Variants in PRH1 observed in about 807,000 individuals in gnomAD.
PRH1 encodes the protein proline rich protein HaeIII subfamily 1.
PRH1 carries 7 observed loss-of-function variants against 7.9 expected under a neutral mutation model. The observed-to-expected ratio is 0.89, with a 90% CI of 0.50 to 1.67. The LOEUF is 1.67. Ranked by LOEUF, PRH1 falls within the 40% of genes most tolerant of loss-of-function variation. The pLI is 0.00. For missense variants in PRH1, 109 were observed against 223.6 expected (o/e 0.49, Z 3.27); for synonymous variants, 45 against 80.8 (o/e 0.56, Z 2.38).
intron 2 of PRH1, among the ~76,000 whole-genome samples, chr12:10,954,982 C>T (rs1388424296): frequency 6.6e-6 from 1 of 152,066 alleles, no homozygotes; most frequent in East Asian, 1.9e-4. Flanking sequence ...ACAATAATAG[C>T]AAGAGATTTC....
intron 1 of PRH1, among the ~76,000 whole-genome samples, chr12:11,065,908 A>G (rs918171658): frequency 3.9e-5 from 6 of 152,158 alleles, no homozygotes; most frequent in Non-Finnish European, 7.4e-5. Context: ...TCATCACCAC[A>G]AACTCTCCTC....
At position 10,931,278 on chromosome 12, in the gene PRH1, G is replaced by C. The variant is rs191155304; in HGVS notation, c.-59+42377C>G. ...ATCTCTTGAAGGCAATTCCAATTTTGAGAATCACTATCTTCAAATTACCTC... is the reference window on the plus strand; with the variant it reads ...ATCTCTTGAAGGCAATTCCAATTTTCAGAATCACTATCTTCAAATTACCTC... On this transcript the variant is annotated intron_variant, in intron 2 of 3. Coordinates refer to the PRH1 transcript ENST00000539853. 9.5e-6 allele frequency: 11 copies of C among 1,156,668 alleles called. No individual in the cohort carries two copies. The African/African-American group carries it at 1.7e-4, about 18-fold the overall frequency. 71.7% of individuals were successfully genotyped at this position (1,156,668 alleles called of 1,614,324 possible).
chr12:10,934,380 G>A (rs1264554844), intron 2 of PRH1, among the ~76,000 whole-genome samples: 3 of 152,006 alleles, frequency 2.0e-5, no homozygotes, highest in African/African-American at 7.2e-5. Flanking sequence ...GTGAGGATTC[G>A]AAGATCTCTT....
intron 2 of PRH1, among the ~76,000 whole-genome samples, chr12:10,932,583 G>A (rs1406859593): frequency 6.6e-6 from 1 of 152,154 alleles, no homozygotes; most frequent in Non-Finnish European, 1.5e-5. Flanking sequence ...AAGCAAAACA[G>A]GACCAATGAA....
At chr12:11,132,029 A>C (rs1340286583) in intron 1 of PRH1, among the ~76,000 whole-genome samples, 3 of 152,332 alleles carry the variant, frequency 2.0e-5, no homozygotes, top group South Asian at 2.1e-4. Flanking sequence ...ATGATTCTAA[A>C]AAATACATGA....
At chr12:11,141,139 T>A (rs1454175889) in intron 1 of PRH1, among the ~76,000 whole-genome samples, 1 of 152,208 alleles carries the variant, frequency 6.6e-6, no homozygotes, top group Non-Finnish European at 1.5e-5. Context: ...TTTAGGGAGA[T>A]CATCCAGGTG....
chr12:11,042,620 A>ATTTTTTT (rs1337131350), intron 1 of PRH1, among the ~76,000 whole-genome samples: 1 of 92,922 alleles, frequency 1.1e-5, no homozygotes, highest in African/African-American at 4.0e-5. Context: ...TTCCAGGCTC[A>ATTTTTTT]TTCTTTTTTT....
At chr12:11,147,000 T>G (rs942013407) in intron 1 of PRH1, among the ~76,000 whole-genome samples, 1 of 152,178 alleles carries the variant, frequency 6.6e-6, no homozygotes. Context: ...AGTAAAGAAC[T>G]TACCTCCTTC....
chr12:10,916,483 A>G (rs1188720306), intron 2 of PRH1, among the ~76,000 whole-genome samples: 1 of 152,186 alleles, frequency 6.6e-6, no homozygotes, highest in Non-Finnish European at 1.5e-5. Context: ...CCCCCAACTC[A>G]GAACATTTCC....
intron 1 of PRH1, among the ~76,000 whole-genome samples, chr12:11,019,044 G>T (rs1449062845): frequency 6.6e-6 from 1 of 152,264 alleles, no homozygotes; most frequent in Non-Finnish European, 1.5e-5. Flanking sequence ...TGGGGGTATT[G>T]GTTAGTGTGA....
In PRH1 at chr12:11,091,115, C is replaced by CATATATATATATATATATATATAT. The variant is rs1555163213; in HGVS notation, n.124-43951_124-43928dup. 1.2e-3 allele frequency among the ~76,000 whole-genome samples: 30 copies of CATATATATATATATATATATATAT among 25,106 alleles called. 1 individual carries two copies. The highest frequency in any genetic ancestry group is 2.3e-3 in the African/African-American group (29 of 12,740). The allele number at this position is 25,106 out of a possible 152,430, so 16.5% of individuals were successfully genotyped here. A position where few individuals can be genotyped will look rare whatever the true frequency, so the allele number is the denominator to read the frequency against. On this transcript the variant is annotated intron_variant and non_coding_transcript_variant, in intron 1 of 4. Transcript: ENST00000541977. ...ACACAAATACACACACACACACACA[C>CATATATATATATATATATATATAT]ATATATATATATATATATATATATA...
At chr12:11,137,978 A>G (rs1198474682) in intron 1 of PRH1, among the ~76,000 whole-genome samples, 1 of 117,126 alleles carries the variant, frequency 8.5e-6, no homozygotes, top group Non-Finnish European at 2.1e-5. Context: ...CATGATTCTT[A>G]TATTATTCCA....
At chr12:11,085,290 A>T (rs953047306) in intron 1 of PRH1, among the ~76,000 whole-genome samples, 1 of 151,046 alleles carries the variant, frequency 6.6e-6, no homozygotes, top group Admixed American at 6.7e-5. Flanking sequence ...AAATTTCAGC[A>T]TTGTTTAACA....
At chr12:11,026,539 C>T (rs562276002) in intron 1 of PRH1, among the ~76,000 whole-genome samples, 1 of 151,840 alleles carries the variant, frequency 6.6e-6, no homozygotes, top group Admixed American at 6.6e-5. Context: ...TGAAATTCTC[C>T]TCTACTGGCA....
intron 1 of PRH1, among the ~76,000 whole-genome samples, chr12:11,125,222 C>A (rs1160304939): frequency 2.0e-5 from 3 of 152,274 alleles, no homozygotes; most frequent in African/African-American, 2.4e-5. Flanking sequence ...ACAAAACCGA[C>A]ACATTTCCAA....
chr12:10,964,793 G>A (rs1938425265), intron 2 of PRH1: 1 of 591,442 alleles, frequency 1.7e-6, no homozygotes, highest in East Asian at 4.1e-5. Flanking sequence ...CAGAGTAAAG[G>A]GTATTAAGTT....
intron 1 of PRH1, among the ~76,000 whole-genome samples, chr12:10,975,434 T>A (rs1939043554): frequency 6.6e-6 from 1 of 152,022 alleles, no homozygotes; most frequent in Non-Finnish European, 1.5e-5. Flanking sequence ...GTACTAAACA[T>A]GGAAAGAAAA....
At chr12:11,109,303 A>C (rs1000547562) in intron 1 of PRH1, among the ~76,000 whole-genome samples, 1 of 152,212 alleles carries the variant, frequency 6.6e-6, no homozygotes, top group South Asian at 2.1e-4. Flanking sequence ...CTCCCAGCAC[A>C]GCACTTGAGC....
rs1426924138 is a variant in PRH1 at position 10,991,299 on chromosome 12, C to T, written c.-125-17578G>A. 6.6e-5 allele frequency among the ~76,000 whole-genome samples: 10 copies of T among 151,946 alleles called. No homozygotes were observed. The South Asian group carries it at 1.9e-3, about 28-fold the overall frequency. The stretch of plus-strand genomic sequence containing the variant: ...CTGAGATACTAAGACATTAACTGTA[C>T]CAAGTACAATAAGTCAAAATGGGTT... On this transcript the variant is annotated intron_variant, in intron 1 of 3. Coordinates refer to the PRH1 transcript ENST00000539853.
Sources: allele counts gnomAD v4.1 joint callset (sites outside exome capture counted in the v4.1 genomes callset), GRCh38; gene constraint gnomAD v4.1.1; transcripts MANE v1.5; gene names NCBI Gene and HGNC (gene_info 2026-07-23, HGNC 2026-07-21).